NCKAP5: variants seen among roughly 807,000 people sequenced by gnomAD.
The protein encoded by NCKAP5 is nck-associated protein 5.
NCKAP5 carries 92 observed loss-of-function variants against 167.0 expected under a neutral mutation model. That is an observed-to-expected ratio of 0.55 (90% CI 0.47 to 0.66). NCKAP5 has a LOEUF of 0.66. NCKAP5 is among the 30% of genes least tolerant of loss of function. NCKAP5 has a pLI of 0.00. For synonymous variants in NCKAP5, 891 were observed against 877.4 expected, an observed-to-expected ratio of 1.02 and a Z score of -0.27; for missense variants, 2,378 against 2,315.0, an observed-to-expected ratio of 1.03 and a Z score of -0.56.
intron 3 of NCKAP5, among the ~76,000 whole-genome samples, chr2:133,475,044 C>G (rs1046695243): frequency 6.6e-6 from 1 of 152,050 alleles, no homozygotes; most frequent in Non-Finnish European, 1.5e-5. Context: ...CTCCTGACCT[C>G]GTGATCCGCC....
At chr2:132,776,486 T>C (rs1356597828) in intron 15 of NCKAP5, among the ~76,000 whole-genome samples, 1 of 152,138 alleles carries the variant, frequency 6.6e-6, no homozygotes, top group Non-Finnish European at 1.5e-5. Flanking sequence ...TGAGAAGAAC[T>C]GAGATGGTGA....
At chr2:133,348,816 T>C (rs1251405586) in intron 3 of NCKAP5, among the ~76,000 whole-genome samples, 1 of 152,160 alleles carries the variant, frequency 6.6e-6, no homozygotes, top group Non-Finnish European at 1.5e-5. Context: ...GCTGCCCAGC[T>C]GGGAAGGATT....
intron 5 of NCKAP5, among the ~76,000 whole-genome samples, chr2:133,192,471 T>C (rs572497685): frequency 6.6e-6 from 1 of 152,138 alleles, no homozygotes; most frequent in Admixed American, 6.6e-5. Context: ...AAATCAGTTA[T>C]ACACTGGGAG....
chr2:133,204,239 T>A (rs2085842331), intron 5 of NCKAP5, among the ~76,000 whole-genome samples: 1 of 152,236 alleles, frequency 6.6e-6, no homozygotes, highest in Non-Finnish European at 1.5e-5. Context: ...TCTATCAGAT[T>A]GATACTGATA....
chr2:133,612,561 T>C, the NCKAP5 span, among the ~76,000 whole-genome samples: 1 of 152,338 alleles, frequency 6.6e-6, no homozygotes, highest in East Asian at 1.9e-4. Flanking sequence ...AATGCAGACA[T>C]TGTGACTTGT....
At chr2:132,792,793 C>T (rs544410435) in intron 12 of NCKAP5, among the ~76,000 whole-genome samples, 1 of 152,324 alleles carries the variant, frequency 6.6e-6, no homozygotes, top group South Asian at 2.1e-4. Context: ...GTTCTTCCTA[C>T]TACTTCTATT....
At chr2:132,773,529 T>C (rs1191365462) in intron 16 of NCKAP5, among the ~76,000 whole-genome samples, 1 of 152,234 alleles carries the variant, frequency 6.6e-6, no homozygotes, top group Non-Finnish European at 1.5e-5. Context: ...TTGAGATAAT[T>C]ATAGAAACTG....
chr2:132,780,997 C>T (rs1000117508), intron 15 of NCKAP5, 55 bp downstream of exon 15: 1 of 1,552,206 alleles, frequency 6.4e-7, no homozygotes, highest in Non-Finnish European at 8.7e-7. Context: ...TAGAAAGACC[C>T]CAGCCAGAAC....
In NCKAP5 at chr2:133,384,084, A is replaced by G. The variant is rs889749489; in HGVS notation, c.70-80974T>C. ...AATTAGATCCCATTTGTCAATTTTG[A>G]CTTTTGTTGCCATTGCTTTTGGTGT... is the stretch of plus-strand genomic sequence containing the variant. On this transcript the variant is annotated intron_variant, in intron 3 of 19. Transcript: ENST00000409261. Among the ~76,000 whole-genome samples the G allele has an allele frequency of 5.9e-5, 9 of 151,282 alleles. No homozygotes were observed. In the East Asian group the frequency reaches 7.9e-4, roughly 13 times the overall value.
At chr2:133,384,316 C>G (rs1418005159) in intron 3 of NCKAP5, among the ~76,000 whole-genome samples, 2 of 152,172 alleles carry the variant, frequency 1.3e-5, no homozygotes, top group Non-Finnish European at 2.9e-5. Context: ...AATAGGGAAT[C>G]CTTTCCCCAT....
chr2:132,900,965 CAAAAAAAAAAAG>C (rs1693575258), intron 8 of NCKAP5, among the ~76,000 whole-genome samples: 2 of 31,648 alleles, frequency 6.3e-5, no homozygotes, highest in Non-Finnish European at 1.2e-4. Flanking sequence ...GACTCTGTCT[CAAAAAAAAAAAG>C]AAAAAAAAAA....
At chr2:133,479,900 G>C (rs980673029) in intron 3 of NCKAP5, among the ~76,000 whole-genome samples, 4 of 150,912 alleles carry the variant, frequency 2.7e-5, no homozygotes, top group Admixed American at 2.6e-4. Context: ...TGGGCATTGG[G>C]TTAGGGTTAT....
At chr2:133,365,444 C>T (rs1292542621) in intron 3 of NCKAP5, among the ~76,000 whole-genome samples, 5 of 151,810 alleles carry the variant, frequency 3.3e-5, no homozygotes, top group Non-Finnish European at 7.4e-5. Context: ...ACTCTGGTTG[C>T]CTGTCCTACC....
chr2:133,591,318 ATG>A, the NCKAP5 span, among the ~76,000 whole-genome samples: 2 of 152,198 alleles, frequency 1.3e-5, no homozygotes, highest in African/African-American at 2.4e-5. Context: ...TGCTGAGTGA[ATG>A]TGTTTGCCAA....
intron 6 of NCKAP5, among the ~76,000 whole-genome samples, chr2:133,070,736 C>T (rs1289205119): frequency 6.6e-6 from 1 of 152,044 alleles, no homozygotes; most frequent in African/African-American, 2.4e-5. Flanking sequence ...GTAGACTATA[C>T]AGGTGTGTGA....
At chr2:132,935,330 C>G (rs1434068089) in intron 8 of NCKAP5, among the ~76,000 whole-genome samples, 1 of 152,226 alleles carries the variant, frequency 6.6e-6, no homozygotes, top group African/African-American at 2.4e-5. Context: ...AATTGCAGCA[C>G]AAGCTCAACC....
In NCKAP5 at chr2:133,356,341, T is replaced by C. The variant is rs1684714920; in HGVS notation, c.70-53231A>G. 1.3e-5 allele frequency among the ~76,000 whole-genome samples: 2 copies of C among 152,204 alleles called. 1 individual carries two copies. The highest frequency in any genetic ancestry group is 1.3e-4 in the Admixed American group (2 of 15,276). The stretch of plus-strand genomic sequence containing the variant: ...CAGAAAAGCAAAGCAAAACATATTA[T>C]GTGTATTGGGGCCCTGTCTGTGCAG... On this transcript the variant is annotated intron_variant, in intron 3 of 19. Transcript: ENST00000409261.
intron 4 of NCKAP5, among the ~76,000 whole-genome samples, chr2:133,277,734 A>C (rs2089787620): frequency 6.6e-6 from 1 of 152,192 alleles, no homozygotes; most frequent in African/African-American, 2.4e-5. Flanking sequence ...TAAAGTATAC[A>C]GTAAATTTAC....
chr2:133,187,390 A>C (rs2084994345), intron 5 of NCKAP5, among the ~76,000 whole-genome samples: 1 of 152,020 alleles, frequency 6.6e-6, no homozygotes, highest in Non-Finnish European at 1.5e-5. Context: ...GCCATTTATA[A>C]TCACACAAAA....
Sources: allele counts gnomAD v4.1 joint callset (sites outside exome capture counted in the v4.1 genomes callset), GRCh38; gene constraint gnomAD v4.1.1; transcripts MANE v1.5; gene names NCBI Gene and HGNC (gene_info 2026-07-23, HGNC 2026-07-21).